Variants in CACNA1B observed in about 807,000 individuals in gnomAD.
CACNA1B encodes the protein calcium voltage-gated channel subunit alpha1 B.
CACNA1B carries 70 observed loss-of-function variants against 247.2 expected under a neutral mutation model. The ratio of observed to expected loss-of-function variants is 0.28; its 90% confidence interval spans 0.23 to 0.35. CACNA1B has a LOEUF of 0.35. CACNA1B is among the 10% of genes least tolerant of loss of function. The pLI is 1.00. For missense variants in CACNA1B, 2,367 were observed against 3,197.4 expected (o/e 0.74, Z 6.26); for synonymous variants, 1,231 against 1,294.4 (o/e 0.95, Z 1.05).
At chr9:138,092,628 C>T (rs553457841) in intron 36 of CACNA1B, among the ~76,000 whole-genome samples, 19 of 152,044 alleles carry the variant, frequency 1.2e-4, no homozygotes, top group Middle Eastern at 3.4e-3. Context: ...CCTCAGCTTA[C>T]GAAGATGACA....
chr9:138,047,170 C>T, intron 22 of CACNA1B, 137 bp downstream of exon 22: 1 of 870,860 alleles, frequency 1.1e-6, no homozygotes, highest in South Asian at 1.7e-5. Context: ...GTCTGTGTGC[C>T]TGGCAGTGCA....
Position 138,025,099 on chromosome 9 carries a change from C to G in CACNA1B, c.3213C>G (p.Pro1071=). The change falls in exon 20 of 47, where the codon CCC becomes CCG. Residue 1071 remains proline, a synonymous_variant. Transcript: ENST00000371372. The part of the protein sequence containing the change: ...QRNVTRMGSQ[P]PDPNTIVHIP... Reference sequence around the variant, plus strand: ...ACGTCACTCGCATGGGCAGTCAGCCCCCAGACCCGAACACTATTGTACATA... The same window carrying G: ...ACGTCACTCGCATGGGCAGTCAGCCGCCAGACCCGAACACTATTGTACATA... 1 of 1,613,542 alleles carries G rather than the reference C, an allele frequency of 6.2e-7. No individual in the cohort carries two copies. The highest frequency in any genetic ancestry group is 8.5e-7 in the Non-Finnish European group (1 of 1,179,720).
chr9:137,971,600 T>A lies in CACNA1B; in HGVS notation c.1543+8T>A. ...GGCTTACCACGACCCTGTGTACGTA[T>A]CCCCGTCCCTCCCTCAGGTGCTTCC... On this transcript the variant is annotated splice_region_variant and intron_variant, in intron 11 of 46. Transcript: ENST00000371372. This position sits in a 1 kb window ranked among gnomAD's most constrained non-coding sequence, Gnocchi z 4.4. 2 of 1,606,800 alleles carry A rather than the reference T, an allele frequency of 1.2e-6. No individual in the cohort carries two copies. The highest frequency in any genetic ancestry group is 1.7e-6 in the Non-Finnish European group (2 of 1,174,988).
chr9:137,932,785 G>A (rs1957622568), intron 6 of CACNA1B, among the ~76,000 whole-genome samples: 1 of 152,200 alleles, frequency 6.6e-6, no homozygotes, highest in African/African-American at 2.4e-5. Flanking sequence ...CCCTTAACCA[G>A]GGATGGTTTC....
chr9:138,090,049 C>T (rs772684019), intron 36 of CACNA1B, among the ~76,000 whole-genome samples: 4 of 152,018 alleles, frequency 2.6e-5, no homozygotes, highest in Middle Eastern at 3.2e-3. Context: ...ATCAAAATAC[C>T]AATGACATTC....
At position 138,014,949 on chromosome 9, in the gene CACNA1B, A is replaced by C. The variant is rs1312930274; in HGVS notation, c.2267+1714A>C. On this transcript the variant is annotated intron_variant, in intron 18 of 46. Coordinates refer to ENST00000371372, the MANE Select transcript of CACNA1B (RefSeq NM_000718.4). This position sits in a 1 kb window ranked among gnomAD's most constrained non-coding sequence, Gnocchi z 6.2. Reference sequence around the variant, plus strand: ...CCTGTCCTGGTTTGGAGACACTGCTATGCAGGAACAAGGCAGTAGACTGGC... The same window carrying C: ...CCTGTCCTGGTTTGGAGACACTGCTCTGCAGGAACAAGGCAGTAGACTGGC... Among the ~76,000 whole-genome samples the C allele has an allele frequency of 1.3e-5, 2 of 152,164 alleles. No homozygotes were observed. The highest frequency in any genetic ancestry group is 2.4e-5 in the African/African-American group (1 of 41,452).
rs567564359 is a variant in CACNA1B, at chr9:137,913,862, G to C, written c.622+591G>C. Among the ~76,000 whole-genome samples the C allele has an allele frequency of 6.6e-6, 1 of 152,310 alleles. No individual in the cohort carries two copies. The highest frequency in any genetic ancestry group is 1.5e-5 in the Non-Finnish European group (1 of 68,020). ...CCTGAGTGGACATGGAACTAGAGCT[G>C]TGTCCTCCTGAGGCCACTGAGGGAA... is the stretch of plus-strand genomic sequence containing the variant. On this transcript the variant is annotated intron_variant, in intron 4 of 46. Transcript: ENST00000371372. The surrounding 1 kb of genome is among the most constrained non-coding windows in gnomAD (Gnocchi z 5.2).
At chr9:137,969,309 G>T (rs113535841) in intron 10 of CACNA1B, among the ~76,000 whole-genome samples, 1,623 of 152,366 alleles carry the variant, frequency 0.011, 10 homozygotes, top group African/African-American at 0.013. Flanking sequence ...AATGTCTGGG[G>T]AGTGTGGTTC....
intron 22 of CACNA1B, 121 bp from the exon 23 acceptor site, chr9:138,047,278 C>T: frequency 1.2e-6 from 1 of 812,866 alleles, no homozygotes; most frequent in African/African-American, 1.7e-5. Flanking sequence ...CCGTTTTCCA[C>T]AGGCTTCCTG....
chr9:138,121,787 G>T lies in CACNA1B; in HGVS notation c.6808G>T (p.Val2270Phe), dbSNP rs1962110705. The change falls in exon 47 of 47, where the codon GTC (valine) becomes TTC (phenylalanine). Residue 2270 changes from valine to phenylalanine, a missense_variant. Physicochemically the swap from Val to Phe is conservative, Grantham distance 50. Coordinates refer to ENST00000371372, the MANE Select transcript of CACNA1B (RefSeq NM_000718.4). This position sits in a 1 kb window ranked among gnomAD's most constrained non-coding sequence, Gnocchi z 6.8. Reference protein sequence around the residue: ...LGQRLDSEASVHALPEDTLTF... With the variant: ...LGQRLDSEASFHALPEDTLTF... ...GCAGCGTCTGGACAGTGAGGCCTCT[G>T]TCCACGCCCTGCCTGAGGACACTCT... is the stretch of plus-strand genomic sequence containing the variant. The T allele has an allele frequency of 1.2e-6, 2 of 1,613,150 alleles. No homozygotes were observed. Among genetic ancestry groups the T allele is most frequent in the African/African-American group, 1.3e-5 (1 of 74,936 alleles).
chr9:138,078,681 C>T (rs12000233), intron 36 of CACNA1B, among the ~76,000 whole-genome samples: 3,385 of 152,184 alleles, frequency 0.022, 130 homozygotes, highest in East Asian at 0.16. Flanking sequence ...GGCCTCACAG[C>T]ATCTGCTTGA....
Position 138,057,049 on chromosome 9 carries a change from C to T in CACNA1B, c.3969-683C>T, listed in dbSNP as rs1210265766. Among the ~76,000 whole-genome samples the T allele has an allele frequency of 6.6e-6, 1 of 150,714 alleles. No individual in the cohort carries two copies. ...CTCCCGGGTTCACGCCATTCTCCTGCCTCAGCCTCCCGAGTAGCTGGGACT... is the reference window on the plus strand; with the variant it reads ...CTCCCGGGTTCACGCCATTCTCCTGTCTCAGCCTCCCGAGTAGCTGGGACT... On this transcript the variant is annotated intron_variant, in intron 26 of 46. Transcript: ENST00000371372. The surrounding 1 kb of genome is among the most constrained non-coding windows in gnomAD (Gnocchi z 4.0).
At chr9:137,966,454 C>T (rs898603803) in intron 10 of CACNA1B, among the ~76,000 whole-genome samples, 1 of 151,818 alleles carries the variant, frequency 6.6e-6, no homozygotes, top group Non-Finnish European at 1.5e-5. Flanking sequence ...GTCTCGATCT[C>T]CTGACCTCGT....
intron 20 of CACNA1B, among the ~76,000 whole-genome samples, chr9:138,037,635 G>A (rs1959062676): frequency 6.6e-6 from 1 of 151,910 alleles, no homozygotes; most frequent in Admixed American, 6.6e-5. Context: ...CTCCAGCCTG[G>A]GCAACAGAGC....
rs547325909 is a variant in CACNA1B at position 137,883,865 on chromosome 9, C to T, written c.530+982C>T. 8.1e-3 allele frequency among the ~76,000 whole-genome samples: 1,232 copies of T among 151,588 alleles called. 8 individuals carry two copies. The highest frequency in any genetic ancestry group is 0.041 in the Middle Eastern group (12 of 294). ...CTCTCCTTCCAGAGCCCCATCCTCA[C>T]CCAGTGACTGCCCCAAGATGCCTGG... On this transcript the variant is annotated intron_variant, in intron 3 of 46. Transcript: ENST00000371372.
intron 6 of CACNA1B, among the ~76,000 whole-genome samples, chr9:137,941,871 A>AATTCTAGAAG (rs1180583993): frequency 1.3e-5 from 2 of 152,340 alleles, no homozygotes; most frequent in East Asian, 3.9e-4. Context: ...AAACTATAAA[A>AATTCTAGAAG]ATTCTAGAAG....
chr9:137,888,337 G>A lies in CACNA1B; in HGVS notation c.530+5454G>A, dbSNP rs1342213224. Among the ~76,000 whole-genome samples, 25 of 151,822 alleles carry A rather than the reference G, an allele frequency of 1.6e-4. No individual in the cohort carries two copies. The highest frequency in any genetic ancestry group is 2.5e-4 in the Non-Finnish European group (17 of 67,868). ...TCCACGCTCCCAGTCCTGTCCCCAC[G>A]TCACTGCCTCTGCCCTCCCGGGCCC... On this transcript the variant is annotated intron_variant, in intron 3 of 46. Coordinates refer to ENST00000371372, the MANE Select transcript of CACNA1B (RefSeq NM_000718.4). This position sits in a 1 kb window ranked among gnomAD's most constrained non-coding sequence, Gnocchi z 4.7.
intron 6 of CACNA1B, among the ~76,000 whole-genome samples, chr9:137,938,414 A>G (rs1329212805): frequency 6.6e-6 from 1 of 152,194 alleles, no homozygotes; most frequent in Non-Finnish European, 1.5e-5. Context: ...TCACATCTCA[A>G]TATTAATGTT....
rs896327877 is a variant in CACNA1B, at chr9:137,960,219, G to A, written c.1333+2532G>A. 6.8e-3 allele frequency among the ~76,000 whole-genome samples: 988 copies of A among 145,538 alleles called. 11 individuals are homozygous for A. The highest frequency in any genetic ancestry group is 0.018 in the Admixed American group (257 of 14,516). ...GTGAGGGGGAGGGGGAGGGAAGGTCGGCCGGAGGGAAGCCGGGAGAGGGGA... is the reference window on the plus strand; with the variant it reads ...GTGAGGGGGAGGGGGAGGGAAGGTCAGCCGGAGGGAAGCCGGGAGAGGGGA... On this transcript the variant is annotated intron_variant, in intron 10 of 46. Transcript: ENST00000371372.
Sources: allele counts gnomAD v4.1 joint callset (sites outside exome capture counted in the v4.1 genomes callset), GRCh38; gene constraint gnomAD v4.1.1; non-coding constraint Gnocchi (gnomAD v3.1); transcripts MANE v1.5; gene names NCBI Gene and HGNC (gene_info 2026-07-23, HGNC 2026-07-21).